Variants in CNTN3 observed in about 807,000 individuals in gnomAD.
The protein encoded by CNTN3 is contactin-3.
In CNTN3, 60 loss-of-function variants were observed where a neutral mutation model predicts 119.1. That is an observed-to-expected ratio of 0.50 (90% CI 0.41 to 0.62). CNTN3 has a LOEUF of 0.62. Among genes scored for constraint, CNTN3 ranks in the 20% least tolerant of loss-of-function variants. The probability of loss-of-function intolerance (pLI) is 0.00; values close to 1 mark genes in which losing one functional copy is unlikely to be tolerated. For synonymous variants in CNTN3, 450 were observed against 438.7 expected, an observed-to-expected ratio of 1.03 and a Z score of -0.32; for missense variants, 1,101 against 1,242.4, an observed-to-expected ratio of 0.89 and a Z score of 1.71.
chr3:74,456,595 G>A (rs1023061899), intron 4 of CNTN3, among the ~76,000 whole-genome samples: 2 of 152,120 alleles, frequency 1.3e-5, no homozygotes, highest in Non-Finnish European at 2.9e-5. Flanking sequence ...TAGGAGGTAT[G>A]TGCTGGTGAA....
In CNTN3 at chr3:74,612,177, GAGA is replaced by G. The variant is rs1324391759; in HGVS notation, c.-81+2211_-81+2213del. Among the ~76,000 whole-genome samples, 6 of 152,282 alleles carry G rather than the reference GAGA, an allele frequency of 3.9e-5. No individual in the cohort carries two copies. In the East Asian group the frequency reaches 7.7e-4, roughly 20 times the overall value. On this transcript the variant is annotated intron_variant, in intron 1 of 22. Coordinates refer to ENST00000263665, the MANE Select transcript of CNTN3 (RefSeq NM_020872.3). ...GCTGGAAGATGTGTACTGAATGTGT[GAGA>G]AGGAGTTAGGAACTTGTAAAAGAGA...
intron 19 of CNTN3, among the ~76,000 whole-genome samples, chr3:74,290,725 T>A (rs960618263): frequency 6.6e-6 from 1 of 152,206 alleles, no homozygotes; most frequent in African/African-American, 2.4e-5. Flanking sequence ...GGAGTCTCGC[T>A]GTGTTGCCCA....
At position 74,365,648 on chromosome 3, in the gene CNTN3, C is replaced by A; in HGVS notation, c.1001G>T (p.Ser334Ile). ...GCTTGCCCTGCATTCCCAATAAAGACTGTCCTCCACGGCTATTTCCACATC... is the reference window on the plus strand; with the variant it reads ...GCTTGCCCTGCATTCCCAATAAAGAATGTCCTCCACGGCTATTTCCACATC... ...IKDVEIAVED[S>I]LYWECRASGK... is the part of the protein sequence containing the mutation. The change falls in exon 9 of 23, where the codon AGT (serine) becomes ATT (isoleucine). Residue 334 changes from serine (S) to isoleucine (I), a missense_variant. Transcript: ENST00000263665. 1 of 1,613,562 alleles carries A rather than the reference C, an allele frequency of 6.2e-7. No individual in the cohort carries two copies. Among genetic ancestry groups the A allele is most frequent in the South Asian group, 1.1e-5 (1 of 91,068 alleles).
intron 4 of CNTN3, among the ~76,000 whole-genome samples, chr3:74,451,002 G>C (rs897700879): frequency 1.3e-5 from 2 of 152,246 alleles, no homozygotes; most frequent in Middle Eastern, 6.8e-3. Context: ...ATAGCAGCAT[G>C]ATTTATAGTC....
intron 12 of CNTN3, 77 bp downstream of exon 12, chr3:74,336,454 C>T: frequency 6.8e-7 from 1 of 1,475,994 alleles, no homozygotes; most frequent in Non-Finnish European, 9.4e-7. Flanking sequence ...CATTGTGAAA[C>T]ACATAGTTAC....
intron 1 of CNTN3, among the ~76,000 whole-genome samples, chr3:74,598,677 T>A (rs935938266): frequency 6.6e-6 from 1 of 151,936 alleles, no homozygotes. Flanking sequence ...TATAAAAAAA[T>A]CAATGAAAAA....
chr3:74,511,738 T>G (rs893507929), intron 2 of CNTN3, among the ~76,000 whole-genome samples: 1 of 152,150 alleles, frequency 6.6e-6, no homozygotes, highest in Admixed American at 6.6e-5. Context: ...TGTCCATAAA[T>G]AAAATGTTAT....
At chr3:74,305,295 T>C (rs62269914) in intron 13 of CNTN3, among the ~76,000 whole-genome samples, 3 of 152,188 alleles carry the variant, frequency 2.0e-5, no homozygotes, top group Non-Finnish European at 4.4e-5. Flanking sequence ...CTGGAACTCT[T>C]ATTGCTGAAA....
chr3:74,573,444 G>T (rs985318454), intron 1 of CNTN3, among the ~76,000 whole-genome samples: 1 of 152,076 alleles, frequency 6.6e-6, no homozygotes, highest in Non-Finnish European at 1.5e-5. Flanking sequence ...AGCATGTGTG[G>T]ACTTCATCAA....
chr3:74,594,265 C>CTTTTTTTTTTT (rs1178602846), intron 1 of CNTN3, among the ~76,000 whole-genome samples: 1 of 108,214 alleles, frequency 9.2e-6, no homozygotes, highest in African/African-American at 4.0e-5. Flanking sequence ...AACTGTATTT[C>CTTTTTTTTTTT]TTTTTTTCTT....
intron 13 of CNTN3, among the ~76,000 whole-genome samples, chr3:74,319,136 G>A (rs981692626): frequency 2.0e-5 from 3 of 152,068 alleles, no homozygotes; most frequent in Admixed American, 1.3e-4. Flanking sequence ...AGCTACCAAC[G>A]ACTTTCTTCA....
intron 13 of CNTN3, among the ~76,000 whole-genome samples, chr3:74,326,775 C>T (rs542662601): frequency 2.6e-5 from 4 of 152,094 alleles, no homozygotes; most frequent in Middle Eastern, 3.4e-3. Flanking sequence ...ATGTTTGTTT[C>T]CTTATTTTCA....
rs1307580035 is a variant in CNTN3 at position 74,266,621 on chromosome 3, T to C, written c.2846A>G (p.Asn949Ser). The change falls in exon 22 of 23, where the codon AAC becomes AGC. Residue 949 changes from asparagine to serine, a missense_variant. Asn to Ser is a conservative substitution (Grantham distance 46). Transcript: ENST00000263665. The part of the protein sequence containing the change: ...KVFYRTSSQN[N>S]VQVLNTNKTS... ...TTTATTTGTGTTCAGTACTTGTACG[T>C]TATTTTGACTGCTAGTCCTATAGAA... The C allele has an allele frequency of 3.7e-6, 6 of 1,613,388 alleles. No individual in the cohort carries two copies. Among genetic ancestry groups the C allele is most frequent in the Non-Finnish European group, 5.1e-6 (6 of 1,179,480 alleles).
chr3:74,450,302 C>T (rs962152271), intron 4 of CNTN3, among the ~76,000 whole-genome samples: 1 of 151,918 alleles, frequency 6.6e-6, no homozygotes, highest in Non-Finnish European at 1.5e-5. Flanking sequence ...AAAATGGTCT[C>T]AGAAATACTA....
chr3:74,421,760 C>T (rs891198895), intron 5 of CNTN3, among the ~76,000 whole-genome samples: 1 of 152,170 alleles, frequency 6.6e-6, no homozygotes, highest in Non-Finnish European at 1.5e-5. Context: ...CATGAGCTCT[C>T]TGATTAATCC....
chr3:74,580,329 C>A (rs1265571138), intron 1 of CNTN3, among the ~76,000 whole-genome samples: 1 of 152,102 alleles, frequency 6.6e-6, no homozygotes. Context: ...ATCAATCTTA[C>A]AAAATCTCGT....
chr3:74,358,908 AT>A (rs1704011501), intron 11 of CNTN3, among the ~76,000 whole-genome samples: 1 of 151,306 alleles, frequency 6.6e-6, no homozygotes, highest in Non-Finnish European at 1.5e-5. Flanking sequence ...ATGATTTCCA[AT>A]TTCATCCATG....
chr3:74,597,095 A>G (rs6774760), intron 1 of CNTN3, among the ~76,000 whole-genome samples: 35,244 of 151,878 alleles, frequency 0.23, 6,626 homozygotes, highest in African/African-American at 0.51. Flanking sequence ...AGAGGGGGGA[A>G]GGAAACTCCA....
intron 4 of CNTN3, among the ~76,000 whole-genome samples, chr3:74,464,877 G>C (rs1702434036): frequency 1.3e-5 from 2 of 152,110 alleles, no homozygotes; most frequent in South Asian, 4.1e-4. Context: ...GGTTTAATTA[G>C]AGTCAAGTTA....
Sources: gnomAD v4.1 joint callset for allele counts (sites outside exome capture counted in the v4.1 genomes callset) on GRCh38, gnomAD v4.1.1 for gene constraint, MANE v1.5 for transcripts, NCBI Gene and HGNC (gene_info 2026-07-23, HGNC 2026-07-21) for gene names.